Variants in SCAF4 observed in about 807,000 individuals in gnomAD.
SCAF4 encodes the protein SR-related CTD associated factor 4, also known as SR-related and CTD-associated factor 4.
In SCAF4, 25 loss-of-function variants were observed where a neutral mutation model predicts 129.8. That is an observed-to-expected ratio of 0.19 (90% CI 0.14 to 0.27). SCAF4 has a LOEUF of 0.27. Among genes scored for constraint, SCAF4 ranks in the 10% least tolerant of loss-of-function variants. The pLI is 1.00. For missense variants in SCAF4, 1,246 were observed against 1,457.1 expected, an observed-to-expected ratio of 0.86 and a Z score of 2.36; for synonymous variants, 551 against 497.7, an observed-to-expected ratio of 1.11 and a Z score of -1.43.
intron 1 of SCAF4, among the ~76,000 whole-genome samples, chr21:31,711,955 T>A (rs2050809285): frequency 6.6e-6 from 1 of 152,146 alleles, no homozygotes; most frequent in South Asian, 2.1e-4. Flanking sequence ...TGTGGTGACT[T>A]AGGAAGAAAG....
chr21:31,722,959 A>T (rs1429828993), intron 1 of SCAF4, among the ~76,000 whole-genome samples: 11 of 152,134 alleles, frequency 7.2e-5, no homozygotes, highest in Non-Finnish European at 1.6e-4. Context: ...TCTAAAAAAA[A>T]AGTCATTACA....
chr21:31,690,671 T>G (rs1207834772), intron 15 of SCAF4, 126 bp downstream of exon 15: 14 of 745,808 alleles, frequency 1.9e-5, no homozygotes, highest in Non-Finnish European at 3.1e-5. Flanking sequence ...ATGGAGATAC[T>G]GACACAGGAG....
intron 1 of SCAF4, among the ~76,000 whole-genome samples, chr21:31,717,826 C>CATAT (rs796625672): frequency 0.015 from 1,687 of 109,962 alleles, 32 homozygotes; most frequent in African/African-American, 0.032. Flanking sequence ...AAACTGCTGC[C>CATAT]ATATATATAT....
rs75181055 is a variant in SCAF4, at chr21:31,729,267, C to T, written c.30+2396G>A. On this transcript the variant is annotated intron_variant, in intron 1 of 19. Transcript: ENST00000286835. ...GAATCAAAATACTCACTTTTCAGCACTACTGCCCTTCGATCACTGCTTCCT... is the reference window on the plus strand; with the variant it reads ...GAATCAAAATACTCACTTTTCAGCATTACTGCCCTTCGATCACTGCTTCCT... Among the ~76,000 whole-genome samples the T allele has an allele frequency of 4.9e-3, 745 of 152,312 alleles. 7 individuals carry two copies. Among genetic ancestry groups the T allele is most frequent in the African/African-American group, 0.017 (703 of 41,552 alleles).
chr21:31,731,601 G>A, intron 1 of SCAF4, 62 bp downstream of exon 1: 3 of 1,559,360 alleles, frequency 1.9e-6, no homozygotes, highest in Non-Finnish European at 2.6e-6. Context: ...TCCGGCGGCG[G>A]GAGAAACGAG....
chr21:31,727,245 AT>A (rs1568870766), intron 1 of SCAF4, among the ~76,000 whole-genome samples: 2 of 151,882 alleles, frequency 1.3e-5, no homozygotes, highest in Non-Finnish European at 2.9e-5. Context: ...GGCCCAGCTA[AT>A]TTTTTGTATT....
chr21:31,730,512 G>A lies in SCAF4; in HGVS notation c.30+1151C>T, dbSNP rs188866245. ...ACTGCAAATCTAAAGGAAAGTTATT[G>A]CACCATAATTGTTACAAGTAAACCT... On this transcript the variant is annotated intron_variant, in intron 1 of 19. Coordinates refer to ENST00000286835, the MANE Select transcript of SCAF4 (RefSeq NM_020706.2). Among the ~76,000 whole-genome samples the A allele has an allele frequency of 4.6e-5, 7 of 152,292 alleles. No homozygotes were observed. In the East Asian group the frequency reaches 9.6e-4, roughly 21 times the overall value.
intron 1 of SCAF4, among the ~76,000 whole-genome samples, chr21:31,711,401 T>A (rs2050795725): frequency 6.6e-6 from 1 of 152,160 alleles, no homozygotes; most frequent in East Asian, 1.9e-4. Context: ...ATCCAGAAAT[T>A]ACGCTGATAC....
intron 7 of SCAF4, among the ~76,000 whole-genome samples, chr21:31,698,383 A>C (rs1000242164): frequency 1.3e-5 from 2 of 152,212 alleles, no homozygotes; most frequent in African/African-American, 4.8e-5. Flanking sequence ...CATTAATAAG[A>C]GAAACATGCT....
At chr21:31,721,381 T>C (rs1482914206) in intron 1 of SCAF4, among the ~76,000 whole-genome samples, 1 of 152,224 alleles carries the variant, frequency 6.6e-6, no homozygotes, top group African/African-American at 2.4e-5. Context: ...AAGACTATTA[T>C]ATATTTCTTA....
chr21:31,686,187 A>G (rs1284953565), intron 16 of SCAF4, among the ~76,000 whole-genome samples: 1 of 148,492 alleles, frequency 6.7e-6, no homozygotes, highest in Non-Finnish European at 1.5e-5. Context: ...TGGGCGACAG[A>G]GCAAGACTTG....
In SCAF4 at chr21:31,732,022, C is replaced by T; in HGVS notation, c.-330G>A. 4.4e-6 allele frequency: 2 copies of T among 455,318 alleles called. No homozygotes were observed. The highest frequency in any genetic ancestry group is 7.6e-6 in the Non-Finnish European group (2 of 262,388). The allele number at this position is 455,318 out of a possible 1,614,324, so 28.2% of individuals were successfully genotyped here. On this transcript the variant is annotated 5_prime_UTR_variant, in exon 1 of 20. Transcript: ENST00000286835. ...GGCCCCCCGCGCCCTCACGCACTGG[C>T]TCACACTGGCCCGGCCGGCGAGCGG...
rs1216402359 is a variant in SCAF4 at position 31,732,064 on chromosome 21, C to T, written c.-372G>A. 4.7e-6 allele frequency: 2 copies of T among 423,016 alleles called. No individual in the cohort carries two copies. Among genetic ancestry groups the T allele is most frequent in the South Asian group, 8.0e-5 (1 of 12,554 alleles). The allele number at this position is 423,016 out of a possible 1,614,324, so 26.2% of individuals were successfully genotyped here. On this transcript the variant is annotated 5_prime_UTR_variant, in exon 1 of 20. Transcript: ENST00000286835. ...GGCGAGCGGGCGGGCCTCTCTCTCC[C>T]TCTCTCCAGCGGGATGGCGGCAGCG...
At chr21:31,673,191 CG>C (rs1568818429) in intron 19 of SCAF4, among the ~76,000 whole-genome samples, 1 of 152,048 alleles carries the variant, frequency 6.6e-6, no homozygotes, top group African/African-American at 2.4e-5. Context: ...ATAAGAGTCA[CG>C]CAAGTTCAAC....
rs546803674 is a variant in SCAF4, at chr21:31,684,850, T to A, written c.2488+199A>T. ...CTTTGAGATTCTCTCTTGGTAAAGATCAAGTACACATATTTGACTTTAAGA... is the reference window on the plus strand; with the variant it reads ...CTTTGAGATTCTCTCTTGGTAAAGAACAAGTACACATATTTGACTTTAAGA... On this transcript the variant is annotated intron_variant, in intron 19 of 19. Coordinates refer to ENST00000286835, the MANE Select transcript of SCAF4 (RefSeq NM_020706.2). The A allele has an allele frequency of 3.0e-4, 169 of 571,768 alleles. 2 individuals carry two copies. Among genetic ancestry groups the A allele is most frequent in the Middle Eastern group, 2.8e-3 (6 of 2,156 alleles). 35.4% of individuals were successfully genotyped at this position (571,768 alleles called of 1,614,324 possible).
At position 31,685,014 on chromosome 21, in the gene SCAF4, G is replaced by A. The variant is rs144860828; in HGVS notation, c.2488+35C>T. 4,328 of 920,950 alleles carry A rather than the reference G, an allele frequency of 4.7e-3. 113 individuals carry two copies. The African/African-American group carries it at 0.067, about 14-fold the overall frequency. 57.0% of individuals were successfully genotyped at this position (920,950 alleles called of 1,614,324 possible). A position where few individuals can be genotyped will look rare whatever the true frequency, so the allele number is the denominator to read the frequency against. On this transcript the variant is annotated intron_variant, in intron 19 of 19. Transcript: ENST00000286835. ...GGTGGGGGGGTGGGGGGGGGGTGGG[G>A]CAAGGAAAACTAATGATAAAAAAAA...
chr21:31,718,011 T>C (rs965498247), intron 1 of SCAF4, among the ~76,000 whole-genome samples: 2 of 152,028 alleles, frequency 1.3e-5, no homozygotes, highest in Non-Finnish European at 2.9e-5. Flanking sequence ...TGGCGCGATC[T>C]CGGCTCACCA....
At chr21:31,678,776 T>G (rs764162835) in intron 19 of SCAF4, among the ~76,000 whole-genome samples, 4 of 152,176 alleles carry the variant, frequency 2.6e-5, no homozygotes, top group Non-Finnish European at 5.9e-5. Context: ...TTCAGATGCC[T>G]TCCCTAGCAA....
chr21:31,727,974 C>A (rs1385624922), intron 1 of SCAF4, among the ~76,000 whole-genome samples: 1 of 152,096 alleles, frequency 6.6e-6, no homozygotes, highest in Admixed American at 6.6e-5. Context: ...CATAAAAATT[C>A]TCCAAATATT....
Sources: gnomAD v4.1 joint callset for allele counts (sites outside exome capture counted in the v4.1 genomes callset) on GRCh38, gnomAD v4.1.1 for gene constraint, MANE v1.5 for transcripts, NCBI Gene and HGNC (gene_info 2026-07-23, HGNC 2026-07-21) for gene names.